The following SRRM3 variants were observed in gnomAD, a reference collection of about 807,000 sequenced individuals.
SRRM3 encodes serine/arginine repetitive matrix protein 3.
A neutral mutation model predicts 66.2 loss-of-function variants in SRRM3; 27 were observed. The ratio of observed to expected loss-of-function variants is 0.41; its 90% CI spans 0.30 to 0.56. SRRM3 has a LOEUF of 0.56. Ranked by LOEUF, SRRM3 falls within the 20% of genes least tolerant of loss-of-function variation. The pLI, the probability that SRRM3 is intolerant of heterozygous loss-of-function variation, is 0.32. For missense variants in SRRM3, 918 were observed against 991.9 expected, an observed-to-expected ratio of 0.93 and a Z score of 1.00; for synonymous variants, 391 against 414.9, an observed-to-expected ratio of 0.94 and a Z score of 0.70.
chr7:76,221,340 C>T (rs1800712074), intron 1 of SRRM3, among the ~76,000 whole-genome samples: 2 of 150,140 alleles, frequency 1.3e-5, no homozygotes, highest in Non-Finnish European at 3.0e-5. Context: ...CAGGTTTGAG[C>T]CACTGGGCCT....
intron 11 of SRRM3, chr7:76,273,010 A>T (rs1780292016): frequency 6.6e-6 from 1 of 152,054 alleles, no homozygotes; most frequent in South Asian, 2.1e-4. Flanking sequence ...CCCTTCACCC[A>T]TCTGTCCACT....
At chr7:76,256,684 T>C (rs1167198870) in intron 3 of SRRM3, among the ~76,000 whole-genome samples, 1 of 151,650 alleles carries the variant, frequency 6.6e-6, no homozygotes, top group African/African-American at 2.4e-5. Context: ...ATCACCATCT[T>C]GGTTTTGGTG....
intron 13 of SRRM3, 33 bp downstream of exon 13, chr7:76,282,905 G>A: frequency 7.6e-7 from 1 of 1,310,596 alleles, no homozygotes; most frequent in Non-Finnish European, 9.7e-7. Context: ...CCGACGGGGC[G>A]GGCGGCGGGG....
At chr7:76,262,351 C>T (rs1801894886) in intron 8 of SRRM3, among the ~76,000 whole-genome samples, 3 of 151,552 alleles carry the variant, frequency 2.0e-5, no homozygotes, top group Admixed American at 6.6e-5. Context: ...ACTGAAAATA[C>T]GAAAATTAGC....
intron 3 of SRRM3, among the ~76,000 whole-genome samples, chr7:76,252,485 C>T (rs547804210): frequency 2.6e-5 from 4 of 152,240 alleles, no homozygotes; most frequent in African/African-American, 7.2e-5. Context: ...CCATGCCCAG[C>T]GAATTTTTGT....
chr7:76,214,281 G>A (rs1025319216), intron 1 of SRRM3, among the ~76,000 whole-genome samples: 12 of 151,996 alleles, frequency 7.9e-5, no homozygotes, highest in Admixed American at 2.6e-4. Flanking sequence ...TCCCACTCCC[G>A]ATCCGACATT....
intron 1 of SRRM3, among the ~76,000 whole-genome samples, chr7:76,223,234 G>T (rs781872937): frequency 6.6e-6 from 1 of 152,174 alleles, no homozygotes; most frequent in Non-Finnish European, 1.5e-5. Context: ...CAACCCTGAA[G>T]TTGATGGGGT....
chr7:76,224,758 G>A lies in SRRM3; in HGVS notation c.-39-10270G>A, dbSNP rs868955531. ...AGTGACCGCCTACACACCAAGAGAG[G>A]TTTGTCACTGTGGCCGCCCCGATCA... On this transcript the variant is annotated intron_variant, in intron 1 of 14. Coordinates refer to ENST00000611745, the MANE Select transcript of SRRM3 (RefSeq NM_001110199.3). Among the ~76,000 whole-genome samples, 33 of 152,216 alleles carry A rather than the reference G, an allele frequency of 2.2e-4. 1 individual carries two copies. Among genetic ancestry groups the A allele is most frequent in the African/African-American group, 7.7e-4 (32 of 41,540 alleles).
In SRRM3 at chr7:76,267,421, C is replaced by G; in HGVS notation, c.994C>G (p.His332Asp). The G allele has an allele frequency of 7.3e-7, 1 of 1,368,626 alleles. No individual in the cohort carries two copies. The highest frequency in any genetic ancestry group is 9.4e-7 in the Non-Finnish European group (1 of 1,066,112). The allele number at this position is 1,368,626 out of a possible 1,614,324, so 84.8% of individuals were successfully genotyped here. Reference protein sequence around the residue: ...GAHGGRPGSAHSPPDKPSSPS... With the variant: ...GAHGGRPGSADSPPDKPSSPS... ...GCACGGGGGCCGCCCCGGCTCGGCG[C>G]ACAGCCCGCCCGATGTACGTACGCT... is the stretch of plus-strand genomic sequence containing the variant. Residue 332 changes from histidine (H) to aspartate (D), a missense_variant, in exon 11 of 15, where the codon CAC becomes GAC. Transcript: ENST00000611745.
Position 76,285,358 on chromosome 7 carries a change from C to A in SRRM3, c.1734-257C>A, listed in dbSNP as rs1388916226. 3.9e-6 allele frequency: 2 copies of A among 512,628 alleles called. No homozygotes were observed. The highest frequency in any genetic ancestry group is 7.0e-6 in the Non-Finnish European group (2 of 286,884). The allele number at this position is 512,628 out of a possible 1,614,324, so 31.8% of individuals were successfully genotyped here. ...GGATTACAGGCGTGAGCCACCGCGC[C>A]CAGCCTCAACAAGTATTTATTAGCA... On this transcript the variant is annotated intron_variant, in intron 14 of 14. Transcript: ENST00000611745. The surrounding 1 kb of genome is among the most constrained non-coding windows in gnomAD (Gnocchi z 4.1).
chr7:76,247,340 C>G (rs1031356084), intron 2 of SRRM3, among the ~76,000 whole-genome samples: 2 of 152,072 alleles, frequency 1.3e-5, no homozygotes, highest in Non-Finnish European at 2.9e-5. Flanking sequence ...CCCCTTGCCC[C>G]CCGATAACCC....
intron 14 of SRRM3, among the ~76,000 whole-genome samples, chr7:76,283,972 G>A (rs1554612407): frequency 6.6e-6 from 1 of 152,176 alleles, no homozygotes; most frequent in Non-Finnish European, 1.5e-5. Context: ...AGATCGGTGT[G>A]CCTCTCTGGG....
chr7:76,281,514 A>T lies in SRRM3; in HGVS notation c.1082A>T (p.Lys361Met). Residue 361 changes from lysine (K) to methionine (M), a missense_variant, in exon 12 of 15, where the codon AAG becomes ATG. By Grantham distance (95) the Lys-to-Met change is moderately conservative. Coordinates refer to ENST00000611745, the MANE Select transcript of SRRM3 (RefSeq NM_001110199.3). ...AAAPTPPARG[K>M]ESPSPRSAPS... ...GCACCCACGCCGCCCGCGCGGGGGA[A>T]GGAGAGCCCGAGCCCGCGCTCGGCG... is the stretch of plus-strand genomic sequence containing the variant. The T allele has an allele frequency of 4.1e-6, 5 of 1,205,140 alleles. No homozygotes were observed. Among genetic ancestry groups the T allele is most frequent in the Non-Finnish European group, 5.2e-6 (5 of 968,516 alleles). The allele number at this position is 1,205,140 out of a possible 1,614,324, so 74.7% of individuals were successfully genotyped here.
intron 2 of SRRM3, among the ~76,000 whole-genome samples, chr7:76,242,276 G>A (rs1162688109): frequency 6.6e-6 from 1 of 152,154 alleles, no homozygotes; most frequent in East Asian, 1.9e-4. Context: ...CCTGAGGTCG[G>A]GAGTTCGAGA....
intron 9 of SRRM3, among the ~76,000 whole-genome samples, chr7:76,265,074 T>A (rs575641722): frequency 6.6e-6 from 1 of 152,050 alleles, no homozygotes; most frequent in Non-Finnish European, 1.5e-5. Context: ...ACCCCACAAG[T>A]CCCAGGATCA....
chr7:76,260,784 C>T, intron 5 of SRRM3, 90 bp from the exon 6 acceptor site: 1 of 1,285,872 alleles, frequency 7.8e-7, no homozygotes, highest in Non-Finnish European at 1.1e-6. Context: ...GTCCACCCTC[C>T]CCTGTCCTGC....
At chr7:76,229,026 G>A (rs973023726) in intron 1 of SRRM3, among the ~76,000 whole-genome samples, 8 of 151,598 alleles carry the variant, frequency 5.3e-5, no homozygotes. Context: ...AGCCTCCGGA[G>A]TAGCTGGGAC....
At chr7:76,221,659 G>A (rs188011078) in intron 1 of SRRM3, among the ~76,000 whole-genome samples, 125 of 152,274 alleles carry the variant, frequency 8.2e-4, no homozygotes, top group African/African-American at 2.7e-3. Flanking sequence ...ACCGCGCCCC[G>A]CACCTGCCCT....
chr7:76,282,406 C>T (rs1802544630), intron 12 of SRRM3, among the ~76,000 whole-genome samples: 1 of 149,950 alleles, frequency 6.7e-6, no homozygotes, highest in South Asian at 2.1e-4. Flanking sequence ...GATCACTCTC[C>T]CCCCATCCCG....
Sources: allele counts gnomAD v4.1 joint callset (sites outside exome capture counted in the v4.1 genomes callset), GRCh38; gene constraint gnomAD v4.1.1; non-coding constraint Gnocchi (gnomAD v3.1); transcripts MANE v1.5; gene names NCBI Gene and HGNC (gene_info 2026-07-23, HGNC 2026-07-21).